Variants in POLQ observed in about 807,000 individuals in gnomAD.
POLQ encodes epididymis secretory sperm binding protein.
A neutral mutation model predicts 259.2 loss-of-function variants in POLQ; 233 were observed. That is an observed-to-expected ratio of 0.90 (90% confidence interval 0.81 to 1.00). The LOEUF (loss-of-function observed/expected upper bound fraction) is 1.00, where lower values mean the gene tolerates loss of function less well. Among genes scored for constraint, POLQ ranks in the 50% least tolerant of loss-of-function variants. POLQ has a pLI of 0.00. For synonymous variants in POLQ, 1,025 were observed against 1,048.8 expected, an observed-to-expected ratio of 0.98 and a Z score of 0.44; for missense variants, 2,871 against 3,051.6, an observed-to-expected ratio of 0.94 and a Z score of 1.39.
At chr3:121,497,737 A>G (rs971137338) in intron 13 of POLQ, among the ~76,000 whole-genome samples, 1 of 152,006 alleles carries the variant, frequency 6.6e-6, no homozygotes, top group African/African-American at 2.4e-5. Flanking sequence ...GCACCCAGCC[A>G]ATTTCATTAT....
chr3:121,508,409 G>C (rs954897794), intron 12 of POLQ, among the ~76,000 whole-genome samples: 7 of 152,082 alleles, frequency 4.6e-5, no homozygotes, highest in Admixed American at 2.0e-4. Flanking sequence ...CCCTGAGGTG[G>C]GTATTATTAT....
chr3:121,482,885 T>A (rs2047981889), intron 18 of POLQ, among the ~76,000 whole-genome samples: 1 of 152,230 alleles, frequency 6.6e-6, no homozygotes, highest in Admixed American at 6.5e-5. Context: ...TGAGTCATCA[T>A]TACGAAGAGT....
chr3:121,518,687 C>T (rs1225542663), intron 9 of POLQ, among the ~76,000 whole-genome samples: 1 of 152,156 alleles, frequency 6.6e-6, no homozygotes, highest in Admixed American at 6.5e-5. Context: ...ATATCCATTT[C>T]CCATCCACTT....
chr3:121,466,422 G>C (rs2047837224), intron 24 of POLQ, among the ~76,000 whole-genome samples: 1 of 151,142 alleles, frequency 6.6e-6, no homozygotes, highest in Non-Finnish European at 1.5e-5. Flanking sequence ...CAGGCGCAGT[G>C]GCTCACGCCT....
At chr3:121,543,179 A>G (rs1236482145) in intron 2 of POLQ, among the ~76,000 whole-genome samples, 1 of 152,246 alleles carries the variant, frequency 6.6e-6, no homozygotes, top group African/African-American at 2.4e-5. Context: ...GATTAATTGT[A>G]TAAGCTGGTG....
At chr3:121,452,055 C>G (rs1052377532) in intron 25 of POLQ, among the ~76,000 whole-genome samples, 1 of 152,188 alleles carries the variant, frequency 6.6e-6, no homozygotes, top group African/African-American at 2.4e-5. Context: ...TAGCAATGAG[C>G]GAGGCTCCAT....
intron 12 of POLQ, among the ~76,000 whole-genome samples, chr3:121,499,748 G>A (rs1012546276): frequency 6.6e-6 from 1 of 152,078 alleles, no homozygotes; most frequent in African/African-American, 2.4e-5. Context: ...TAAGAAATAG[G>A]AAAGTATGTC....
rs184533771 is a variant in POLQ, at chr3:121,433,436, T to G, written c.7544-403A>C. 3.3e-5 allele frequency among the ~76,000 whole-genome samples: 5 copies of G among 152,298 alleles called. No homozygotes were observed. In the East Asian group the frequency reaches 9.7e-4, roughly 29 times the overall value. On this transcript the variant is annotated intron_variant, in intron 28 of 29. Transcript: ENST00000264233. The stretch of plus-strand genomic sequence containing the variant: ...ACTAATATTGTTAGGCACTGTTTCT[T>G]AAGGGGGACACTCCCTCATGTCTTT...
intron 28 of POLQ, among the ~76,000 whole-genome samples, chr3:121,433,855 T>G (rs1040648975): frequency 6.6e-6 from 1 of 152,208 alleles, no homozygotes; most frequent in African/African-American, 2.4e-5. Flanking sequence ...AGGTCCAGCA[T>G]GAGTAACATC....
At chr3:121,536,455 T>A (rs1172975282) in intron 5 of POLQ, among the ~76,000 whole-genome samples, 1 of 152,138 alleles carries the variant, frequency 6.6e-6, no homozygotes, top group Non-Finnish European at 1.5e-5. Flanking sequence ...GGTAGTTGCC[T>A]CTGAGAAGTG....
chr3:121,493,593 T>G lies in POLQ; in HGVS notation c.2407A>C (p.Asn803His). 6.2e-7 allele frequency: 1 copy of G among 1,614,090 alleles called. No individual in the cohort carries two copies. Among genetic ancestry groups the G allele is most frequent in the Non-Finnish European group, 8.5e-7 (1 of 1,180,008 alleles). The change falls in exon 15 of 30, where the codon AAT becomes CAT. Residue 803 changes from asparagine (N) to histidine (H), a missense_variant. This residue lies in a region of POLQ where 2,080 missense variants were observed against 2,126.0 expected (regional missense o/e 0.98). Transcript: ENST00000264233. ...LCDLVRVSLLNAQRARVLYAS... is the reference protein window; with the variant it reads ...LCDLVRVSLLHAQRARVLYAS... ...TAGAGAACCCTGGCTCTCTGAGCATTTAGTAAGGATACCCGAACCAGGTCA... is the reference window on the plus strand; with the variant it reads ...TAGAGAACCCTGGCTCTCTGAGCATGTAGTAAGGATACCCGAACCAGGTCA...
chr3:121,444,558 C>T (rs1433529454), intron 26 of POLQ, among the ~76,000 whole-genome samples: 1 of 152,192 alleles, frequency 6.6e-6, no homozygotes, highest in African/African-American at 2.4e-5. Flanking sequence ...AATTTGACCT[C>T]TTCCTTTCCA....
At chr3:121,519,836 G>A (rs1576424615) in intron 9 of POLQ, 35 bp downstream of exon 9, 3 of 1,150,552 alleles carry the variant, frequency 2.6e-6, no homozygotes, top group Non-Finnish European at 4.0e-6. Context: ...CTGTCCTTCA[G>A]CAATGCTGCT....
chr3:121,443,544 G>A (rs752530943), intron 26 of POLQ, among the ~76,000 whole-genome samples: 2 of 151,994 alleles, frequency 1.3e-5, no homozygotes, highest in Non-Finnish European at 2.9e-5. Flanking sequence ...CCCATTCTGT[G>A]GGCTGTCTCT....
At chr3:121,533,333 C>T in intron 5 of POLQ, 124 bp from the exon 6 acceptor site, 3 of 503,022 alleles carry the variant, frequency 6.0e-6, no homozygotes, top group Non-Finnish European at 1.0e-5. Flanking sequence ...AGGATATATA[C>T]CTAAGAATAA....
At chr3:121,447,259 C>G (rs1269957124) in intron 26 of POLQ, among the ~76,000 whole-genome samples, 4 of 151,464 alleles carry the variant, frequency 2.6e-5, no homozygotes, top group African/African-American at 9.7e-5. Flanking sequence ...CAACCTCCGC[C>G]TCCTGGGTTC....
intron 25 of POLQ, among the ~76,000 whole-genome samples, chr3:121,457,802 T>C (rs934691323): frequency 2.0e-5 from 3 of 152,130 alleles, no homozygotes; most frequent in African/African-American, 7.2e-5. Context: ...GTAAACTAGT[T>C]CAACCATTGT....
At chr3:121,528,893 A>G (rs2048391134) in intron 7 of POLQ, among the ~76,000 whole-genome samples, 2 of 152,034 alleles carry the variant, frequency 1.3e-5, no homozygotes, top group South Asian at 2.1e-4. Context: ...CAGAGGTTGC[A>G]GTGAGCCGAG....
intron 6 of POLQ, among the ~76,000 whole-genome samples, chr3:121,530,666 C>T (rs1383793296): frequency 6.6e-6 from 1 of 152,088 alleles, no homozygotes; most frequent in African/African-American, 2.4e-5. Context: ...CAAAAGGGCA[C>T]ATGTGAATCC....
Sources: allele counts gnomAD v4.1 joint callset (sites outside exome capture counted in the v4.1 genomes callset), GRCh38; gene constraint gnomAD v4.1.1; regional missense constraint gnomAD v4.1.1; transcripts MANE v1.5; gene names NCBI Gene and HGNC (gene_info 2026-07-23, HGNC 2026-07-21).